Variants in PCDHGA2 observed in about 807,000 individuals in gnomAD.
PCDHGA2 encodes protocadherin gamma-A2.
Under a neutral mutation model 59.2 loss-of-function variants are expected in PCDHGA2, and 40 were observed. That is an observed-to-expected ratio of 0.68 (90% CI 0.52 to 0.88). The LOEUF is 0.88. Ranked by LOEUF, PCDHGA2 falls within the 40% of genes least tolerant of loss-of-function variation. The probability of loss-of-function intolerance (pLI) is 0.00; values close to 1 mark genes in which losing one functional copy is unlikely to be tolerated. For synonymous variants in PCDHGA2, 560 were observed against 526.0 expected, an observed-to-expected ratio of 1.06 and a Z score of -0.89; for missense variants, 1,226 against 1,204.0, an observed-to-expected ratio of 1.02 and a Z score of -0.27.
chr5:141,370,144 A>G (rs1427805269), intron 1 of PCDHGA2: 2 of 435,992 alleles, frequency 4.6e-6, no homozygotes, highest in Non-Finnish European at 4.0e-6. Flanking sequence ...TTTAGTCACC[A>G]TTACTGCAGT....
intron 1 of PCDHGA2, among the ~76,000 whole-genome samples, chr5:141,430,383 G>GA (rs139772145): frequency 0.061 from 8,436 of 138,452 alleles, 243 homozygotes; most frequent in South Asian, 0.089. Context: ...AGCTCATTGG[G>GA]AAAAAAAAAA....
At chr5:141,449,025 C>G (rs2154562458) in intron 1 of PCDHGA2, among the ~76,000 whole-genome samples, 1 of 152,216 alleles carries the variant, frequency 6.6e-6, no homozygotes, top group East Asian at 1.9e-4. Flanking sequence ...GCTTAGCATT[C>G]CTTTGGATTA....
rs912284799 is a variant in PCDHGA2, at chr5:141,346,670, G to A, written c.2424+5275G>A. 3.2e-5 allele frequency: 22 copies of A among 694,760 alleles called. No homozygotes were observed. In the East Asian group the frequency reaches 5.6e-4, roughly 18 times the overall value. The allele number at this position is 694,760 out of a possible 1,614,324, so 43.0% of individuals were successfully genotyped here. On this transcript the variant is annotated intron_variant, in intron 1 of 3. Coordinates refer to ENST00000394576, the MANE Select transcript of PCDHGA2 (RefSeq NM_018915.4). ...GGGCTTAGGGAAAAAATAATACATC[G>A]TGAGTGAAAGTAAAGTGTCACTTCC... is the stretch of plus-strand genomic sequence containing the variant.
Position 141,476,790 on chromosome 5 carries a change from C to T in PCDHGA2, c.2425-18017C>T. ...TTGGACGGAGGGACCCCAGCTCTCT[C>T]CGCCAGCCTGCCTATTCACATCAAG... On this transcript the variant is annotated intron_variant, in intron 1 of 3. Coordinates refer to ENST00000394576, the MANE Select transcript of PCDHGA2 (RefSeq NM_018915.4). This position sits in a 1 kb window ranked among gnomAD's most constrained non-coding sequence, Gnocchi z 7.6. 1 of 1,613,606 alleles carries T rather than the reference C, an allele frequency of 6.2e-7. No homozygotes were observed. Among genetic ancestry groups the T allele is most frequent in the South Asian group, 1.1e-5 (1 of 91,084 alleles).
At chr5:141,363,406 A>G (rs944963716) in intron 1 of PCDHGA2, among the ~76,000 whole-genome samples, 1 of 152,226 alleles carries the variant, frequency 6.6e-6, no homozygotes, top group African/African-American at 2.4e-5. Context: ...TAAAGATGAT[A>G]GCAGTAAATA....
At chr5:141,402,934 A>G in intron 1 of PCDHGA2, 1 of 1,586,622 alleles carries the variant, frequency 6.3e-7, no homozygotes, top group Non-Finnish European at 8.6e-7. Flanking sequence ...TTTTGAGAAA[A>G]TTCCAAAGCG....
In PCDHGA2 at chr5:141,431,913, T is replaced by C; in HGVS notation, c.2425-62894T>C. The C allele has an allele frequency of 6.2e-7, 1 of 1,614,140 alleles. No individual in the cohort carries two copies. Among genetic ancestry groups the C allele is most frequent in the Admixed American group, 1.7e-5 (1 of 60,034 alleles). On this transcript the variant is annotated intron_variant, in intron 1 of 3. Transcript: ENST00000394576. This position sits in a 1 kb window ranked among gnomAD's most constrained non-coding sequence, Gnocchi z 4.8. The stretch of plus-strand genomic sequence containing the variant: ...GAGGAAAACGGACAGGTGATCTGTT[T>C]CATCCAAGGAAATCTGCCCTTTAAA...
chr5:141,355,152 C>A, intron 1 of PCDHGA2: 2 of 1,548,790 alleles, frequency 1.3e-6, no homozygotes, highest in Non-Finnish European at 1.7e-6. Flanking sequence ...CTCCTCAGGC[C>A]TCGACAGAGG....
At chr5:141,364,205 A>C (rs1250961446) in intron 1 of PCDHGA2, 2 of 1,159,214 alleles carry the variant, frequency 1.7e-6, no homozygotes, top group African/African-American at 3.1e-5. Flanking sequence ...AGACCAGACA[A>C]GCTCCTACGA....
chr5:141,399,603 A>G, intron 1 of PCDHGA2: 1 of 1,613,950 alleles, frequency 6.2e-7, no homozygotes, highest in Non-Finnish European at 8.5e-7. Flanking sequence ...CCAGCGACCT[A>G]GAGCCTCTGG....
chr5:141,506,742 A>G (rs1475692668), intron 3 of PCDHGA2, among the ~76,000 whole-genome samples: 5 of 152,172 alleles, frequency 3.3e-5, no homozygotes, highest in Non-Finnish European at 7.3e-5. Context: ...AATGCCTATT[A>G]ATAAAGACTA....
At chr5:141,459,490 T>C (rs2098968649) in intron 1 of PCDHGA2, among the ~76,000 whole-genome samples, 1 of 152,236 alleles carries the variant, frequency 6.6e-6, no homozygotes, top group Non-Finnish European at 1.5e-5. Context: ...TATTCTGAAT[T>C]AAAGTGATGT....
At chr5:141,350,196 A>C in intron 1 of PCDHGA2, 1 of 1,414,832 alleles carries the variant, frequency 7.1e-7, no homozygotes. Flanking sequence ...ACAGAAGTCC[A>C]GGGTGCTGCC....
chr5:141,489,284 T>A lies in PCDHGA2; in HGVS notation c.2425-5523T>A. On this transcript the variant is annotated intron_variant, in intron 1 of 3. Transcript: ENST00000394576. This position sits in a 1 kb window ranked among gnomAD's most constrained non-coding sequence, Gnocchi z 4.5. ...CCACAGCTCGCTGGGAAATGGCAAG[T>A]GCTGTGCATGTTGTCCTTGTGCTGC... The A allele has an allele frequency of 6.4e-7, 1 of 1,570,016 alleles. No homozygotes were observed. The highest frequency in any genetic ancestry group is 2.2e-5 in the East Asian group (1 of 44,588).
At chr5:141,394,151 C>T in intron 1 of PCDHGA2, 2 of 1,613,900 alleles carry the variant, frequency 1.2e-6, no homozygotes, top group Non-Finnish European at 1.7e-6. Context: ...CAGACATTAA[C>T]GACAACCCTC....
chr5:141,506,177 G>A (rs1024892091), intron 3 of PCDHGA2, among the ~76,000 whole-genome samples: 16 of 152,142 alleles, frequency 1.1e-4, no homozygotes, highest in Admixed American at 4.6e-4. Flanking sequence ...TAAGCTGGGC[G>A]TGGTGGCTCA....
rs779342119 is a variant in PCDHGA2 at position 141,360,661 on chromosome 5, G to A, written c.2424+19266G>A. 5 of 1,613,944 alleles carry A rather than the reference G, an allele frequency of 3.1e-6. No individual in the cohort carries two copies. The highest frequency in any genetic ancestry group is 4.2e-6 in the Non-Finnish European group (5 of 1,179,902). On this transcript the variant is annotated intron_variant, in intron 1 of 3. Coordinates refer to ENST00000394576, the MANE Select transcript of PCDHGA2 (RefSeq NM_018915.4). ...ACAAAGATACCACCTTAATGACAACGAGTACTTTGATCTCGCTGAGAAACA... is the reference window on the plus strand; with the variant it reads ...ACAAAGATACCACCTTAATGACAACAAGTACTTTGATCTCGCTGAGAAACA...
At chr5:141,496,048 G>A (rs1327057788) in intron 2 of PCDHGA2, among the ~76,000 whole-genome samples, 1 of 148,400 alleles carries the variant, frequency 6.7e-6, no homozygotes, top group Non-Finnish European at 1.5e-5. Context: ...TCATTTTTTT[G>A]TGCTTGTGGG....
Position 141,417,818 on chromosome 5 carries a change from C to T in PCDHGA2, c.2424+76423C>T, listed in dbSNP as rs59981184. 5.7e-4 allele frequency: 859 copies of T among 1,512,530 alleles called. 1 individual carries two copies. The African/African-American group carries it at 0.011, about 19-fold the overall frequency. 93.7% of individuals were successfully genotyped at this position (1,512,530 alleles called of 1,614,324 possible). On this transcript the variant is annotated intron_variant, in intron 1 of 3. Coordinates refer to ENST00000394576, the MANE Select transcript of PCDHGA2 (RefSeq NM_018915.4). ...TTTAGCGCGGTAGAGTGCACTTTCTCCAACTGGAAAAGCGGGGACCCAGCG... is the reference window on the plus strand; with the variant it reads ...TTTAGCGCGGTAGAGTGCACTTTCTTCAACTGGAAAAGCGGGGACCCAGCG...
Sources: gnomAD v4.1 joint callset for allele counts (sites outside exome capture counted in the v4.1 genomes callset) on GRCh38, gnomAD v4.1.1 for gene constraint, Gnocchi (gnomAD v3.1) non-coding constraint, MANE v1.5 for transcripts, NCBI Gene and HGNC (gene_info 2026-07-23, HGNC 2026-07-21) for gene names.